The following PTPRD variants were observed in gnomAD, a reference collection of about 807,000 sequenced individuals.
The protein encoded by PTPRD is receptor-type tyrosine-protein phosphatase delta.
PTPRD carries 34 observed loss-of-function variants against 214.5 expected under a neutral mutation model. The observed-to-expected ratio is 0.16, with a 90% CI of 0.12 to 0.21. The LOEUF (loss-of-function observed/expected upper bound fraction) is 0.21. PTPRD is among the 10% of genes least tolerant of loss of function. The pLI, the probability that PTPRD is intolerant of heterozygous loss-of-function variation, is 1.00. For missense variants in PTPRD, 2,545 were observed against 2,398.7 expected, an observed-to-expected ratio of 1.06 and a Z score of -1.27; for synonymous variants, 1,128 against 845.7, an observed-to-expected ratio of 1.33 and a Z score of -5.79.
At chr9:9,484,764 T>C (rs2095557913) in intron 8 of PTPRD, among the ~76,000 whole-genome samples, 1 of 152,094 alleles carries the variant, frequency 6.6e-6, no homozygotes, top group Non-Finnish European at 1.5e-5. Flanking sequence ...AGATCAGAAC[T>C]CAAAGTGTCT....
intron 14 of PTPRD, among the ~76,000 whole-genome samples, chr9:8,538,166 T>G (rs1450109772): frequency 1.3e-5 from 2 of 152,026 alleles, no homozygotes; most frequent in African/African-American, 4.8e-5. Flanking sequence ...AATTTATATT[T>G]ATCAACAAGC....
At chr9:8,358,095 A>C (rs994025859) in intron 39 of PTPRD, among the ~76,000 whole-genome samples, 2 of 152,150 alleles carry the variant, frequency 1.3e-5, no homozygotes, top group Non-Finnish European at 2.9e-5. Flanking sequence ...TTCTACTCTA[A>C]TGCTCACTTT....
chr9:8,684,437 C>T (rs1222012336), intron 12 of PTPRD, among the ~76,000 whole-genome samples: 1 of 151,992 alleles, frequency 6.6e-6, no homozygotes, highest in East Asian at 1.9e-4. Flanking sequence ...CCTCTGACTG[C>T]AAACCCCATG....
chr9:9,687,030 A>C (rs1296115911), intron 7 of PTPRD, among the ~76,000 whole-genome samples: 1 of 151,742 alleles, frequency 6.6e-6, no homozygotes, highest in Non-Finnish European at 1.5e-5. Context: ...GTGCATTATT[A>C]ATTTCTCTAT....
At chr9:8,981,640 G>A (rs1276156008) in intron 11 of PTPRD, among the ~76,000 whole-genome samples, 1 of 151,920 alleles carries the variant, frequency 6.6e-6, no homozygotes, top group Non-Finnish European at 1.5e-5. Context: ...AAAAATGTAT[G>A]AGCAAAAAAG....
chr9:9,526,981 G>A (rs912901107), intron 8 of PTPRD, among the ~76,000 whole-genome samples: 1 of 151,950 alleles, frequency 6.6e-6, no homozygotes, highest in African/African-American at 2.4e-5. Context: ...AAGGTCAAAG[G>A]TCTTCAGTTT....
intron 11 of PTPRD, among the ~76,000 whole-genome samples, chr9:8,987,006 T>G (rs7863982): frequency 0.31 from 47,607 of 151,878 alleles, 8,432 homozygotes; most frequent in Non-Finnish European, 0.4. Context: ...GGTTTATATT[T>G]GTTATTTGCA....
At chr9:9,647,103 C>T (rs554215400) in intron 7 of PTPRD, among the ~76,000 whole-genome samples, 31 of 152,046 alleles carry the variant, frequency 2.0e-4, no homozygotes, top group Non-Finnish European at 3.2e-4. Flanking sequence ...TTTTTCGGGT[C>T]TGTTGTTGAT....
At chr9:10,371,802 G>A (rs1212011116) in intron 2 of PTPRD, among the ~76,000 whole-genome samples, 2 of 152,064 alleles carry the variant, frequency 1.3e-5, no homozygotes, top group African/African-American at 4.8e-5. Flanking sequence ...CATTTTCTTG[G>A]AATATTTTGG....
chr9:10,285,287 G>C (rs911455469), intron 3 of PTPRD, among the ~76,000 whole-genome samples: 1 of 137,348 alleles, frequency 7.3e-6, no homozygotes, highest in Non-Finnish European at 1.5e-5. Context: ...GAAAATAAAA[G>C]TGCAGAAAGA....
intron 3 of PTPRD, among the ~76,000 whole-genome samples, chr9:10,290,035 A>G (rs1468155925): frequency 1.3e-5 from 2 of 152,144 alleles, no homozygotes; most frequent in Non-Finnish European, 2.9e-5. Flanking sequence ...ATCATGAATT[A>G]AAATAACAAA....
intron 3 of PTPRD, among the ~76,000 whole-genome samples, chr9:10,183,571 G>T (rs1324587215): frequency 6.6e-6 from 1 of 152,118 alleles, no homozygotes; most frequent in Non-Finnish European, 1.5e-5. Flanking sequence ...TGCTGTTGCA[G>T]GTGTTTGATT....
chr9:10,090,328 T>C (rs1464585865), intron 3 of PTPRD, among the ~76,000 whole-genome samples: 2 of 151,574 alleles, frequency 1.3e-5, no homozygotes, highest in African/African-American at 4.8e-5. Context: ...ATTCACCAAG[T>C]ACCTTAGTCA....
At chr9:9,670,616 T>C (rs2096810301) in intron 7 of PTPRD, among the ~76,000 whole-genome samples, 1 of 152,158 alleles carries the variant, frequency 6.6e-6, no homozygotes, top group Admixed American at 6.5e-5. Context: ...TGGCCCAGTG[T>C]CCTGGTGCTG....
chr9:8,514,136 G>A (rs777962082), intron 21 of PTPRD, among the ~76,000 whole-genome samples: 11 of 151,980 alleles, frequency 7.2e-5, no homozygotes, highest in Non-Finnish European at 1.5e-4. Context: ...ACTGAGTTAT[G>A]ATTCAATGTC....
At chr9:9,274,690 C>A (rs1309154169) in intron 9 of PTPRD, among the ~76,000 whole-genome samples, 1 of 151,070 alleles carries the variant, frequency 6.6e-6, no homozygotes, top group East Asian at 2.0e-4. Flanking sequence ...TTGGTTTATA[C>A]CCACAATTTG....
chr9:8,359,119 A>C (rs773514320), intron 39 of PTPRD, among the ~76,000 whole-genome samples: 740 of 30,108 alleles, frequency 0.025, 45 homozygotes, highest in Middle Eastern at 0.081. Flanking sequence ...AAAAAAAAAA[A>C]AAACAAAAAA....
At chr9:9,274,283 T>G (rs1219962079) in intron 9 of PTPRD, among the ~76,000 whole-genome samples, 1 of 151,326 alleles carries the variant, frequency 6.6e-6, no homozygotes, top group East Asian at 2.0e-4. Flanking sequence ...CTTTCTCCGT[T>G]CTGTTACTTA....
At chr9:8,437,200 G>A (rs1285947446) in intron 34 of PTPRD, 1 of 1,523,220 alleles carries the variant, frequency 6.6e-7, no homozygotes, top group Non-Finnish European at 8.8e-7. Flanking sequence ...AAACTAACTT[G>A]AAGAATGAAG....
Sources: gnomAD v4.1 joint callset for allele counts (sites outside exome capture counted in the v4.1 genomes callset) on GRCh38, gnomAD v4.1.1 for gene constraint, MANE v1.5 for transcripts, NCBI Gene and HGNC (gene_info 2026-07-23, HGNC 2026-07-21) for gene names.